FADS2: variants seen among roughly 807,000 people sequenced by gnomAD.
FADS2 encodes fatty acid desaturase 2, also known as acyl-CoA 6-desaturase.
A neutral mutation model predicts 61.2 loss-of-function variants in FADS2; 18 were observed. The observed-to-expected ratio is 0.29, with a 90% CI of 0.20 to 0.44. The LOEUF is 0.44. Ranked by LOEUF, FADS2 falls within the 20% of genes least tolerant of loss-of-function variation. The probability of loss-of-function intolerance (pLI) is 1.00; values close to 1 mark genes in which losing one functional copy is unlikely to be tolerated. For synonymous variants in FADS2, 203 were observed against 223.9 expected (o/e 0.91, Z 0.83); for missense variants, 322 against 572.7 (o/e 0.56, Z 4.47).
chr11:61,839,201 G>A (rs552345735), intron 2 of FADS2, among the ~76,000 whole-genome samples: 2 of 152,052 alleles, frequency 1.3e-5, no homozygotes, highest in South Asian at 2.1e-4. Flanking sequence ...GCCTCAGCTC[G>A]CCCTCCTGCG....
chr11:61,837,842 T>C lies in FADS2; in HGVS notation c.272T>C (p.Ile91Thr). ...FVGKFLKPLL[I>T]GELAPEEPSQ... ...GGCAAGTTCTTGAAACCCCTGCTGA[T>C]TGGTGAACTGGCCCCGGAGGAGCCC... The change falls in exon 2 of 12, where the codon ATT becomes ACT. Residue 91 changes from isoleucine (I) to threonine (T), a missense_variant. Ile to Thr is a moderately conservative substitution (Grantham distance 89). Around this residue, in one of 3 missense-constraint regions of FADS2, gnomAD observed 40 missense variants for 37.3 expected, o/e 1.07. Coordinates refer to ENST00000278840, the MANE Select transcript of FADS2 (RefSeq NM_004265.4). 6.2e-7 allele frequency: 1 copy of C among 1,613,952 alleles called. No individual in the cohort carries two copies.
In FADS2 at chr11:61,838,744, A is replaced by G. The variant is rs149526074; in HGVS notation, c.318+856A>G. On this transcript the variant is annotated intron_variant, in intron 2 of 11. Transcript: ENST00000278840. ...CTCCTCTCACCTTGCCCTCCATGGC[A>G]CATGAGATCACCTGCCCTGTACCCA... is the stretch of plus-strand genomic sequence containing the variant. Among the ~76,000 whole-genome samples, 888 of 151,886 alleles carry G rather than the reference A, an allele frequency of 5.8e-3. 3 individuals are homozygous for G. Among genetic ancestry groups the G allele is most frequent in the African/African-American group, 0.021 (854 of 41,380 alleles).
chr11:61,824,523 G>GAAAGA (rs2067067216), upstream of FADS2, among the ~76,000 whole-genome samples: 2 of 87,578 alleles, frequency 2.3e-5, no homozygotes, highest in Admixed American at 1.9e-4. Flanking sequence ...AAGAAAGAAA[G>GAAAGA]AAAGAAAAAT....
At position 61,837,865 on chromosome 11, in the gene FADS2, C is replaced by A; in HGVS notation, c.295C>A (p.Pro99Thr). ...GATTGGTGAACTGGCCCCGGAGGAG[C>A]CCAGCCAGGACCACGGCAAGAACGT... ...LLIGELAPEE[P>T]SQDHGKNSKI... Residue 99 changes from proline (P) to threonine (T), a missense_variant, in exon 2 of 12, where the codon CCC becomes ACC. This residue lies in a region of FADS2 where 40 missense variants were observed against 37.3 expected (regional missense o/e 1.07). Transcript: ENST00000278840. 2 of 1,613,474 alleles carry A rather than the reference C, an allele frequency of 1.2e-6. No individual in the cohort carries two copies. The highest frequency in any genetic ancestry group is 1.7e-6 in the Non-Finnish European group (2 of 1,179,626).
At chr11:61,837,606 G>C (rs1185008370) in intron 1 of FADS2, among the ~76,000 whole-genome samples, 172 bp from the exon 2 acceptor site, 1 of 152,218 alleles carries the variant, frequency 6.6e-6, no homozygotes, top group Non-Finnish European at 1.5e-5. Context: ...TGGGCACTGA[G>C]GGCTCTGTCC....
chr11:61,863,049 C>A lies in FADS2; in HGVS notation c.960C>A (p.Leu320=). 1.9e-6 allele frequency: 3 copies of A among 1,614,196 alleles called. No homozygotes were observed. The highest frequency in any genetic ancestry group is 1.6e-4 in the Middle Eastern group (1 of 6,062). ...YIPFYGILGA[L]LFLNFIRFLE... ...CTTTCTACGGCATCCTGGGAGCCCT[C>A]CTTTTCCTCAACTTCATCAGGTGCC... The change falls in exon 8 of 12, where the codon CTC becomes CTA. Residue 320 remains leucine (L), a synonymous_variant. Coordinates refer to ENST00000278840, the MANE Select transcript of FADS2 (RefSeq NM_004265.4).
At chr11:61,848,684 A>G (rs2135967893) in intron 5 of FADS2, 1 of 180,660 alleles carries the variant, frequency 5.5e-6, no homozygotes, top group Non-Finnish European at 1.2e-5. Context: ...TTCCCAGGGT[A>G]GAGGGAAATC....
At chr11:61,863,480 G>C in intron 9 of FADS2, 102 bp downstream of exon 9, 2 of 948,780 alleles carry the variant, frequency 2.1e-6, no homozygotes, top group Non-Finnish European at 3.3e-6. Context: ...GGGCCTCCCG[G>C]GGCTGCCTGT....
chr11:61,825,927 G>GTGTC (rs2067081337), upstream of FADS2: 1 of 611,942 alleles, frequency 1.6e-6, no homozygotes, highest in African/African-American at 1.8e-5. Flanking sequence ...GCACATGGCA[G>GTGTC]TGTCCAGTGT....
rs149777687 is a variant in FADS2, at chr11:61,848,203, C to T, written c.663C>T (p.His221=). Reference sequence around the variant, plus strand: ...GGAATCATCGCCACTTCCAGCACCACGCCAAGCCTAACATCTTCCACAAGG... The same window carrying T: ...GGAATCATCGCCACTTCCAGCACCATGCCAAGCCTAACATCTTCCACAAGG... ...NWWNHRHFQH[H]AKPNIFHKDP... is the part of the protein sequence containing the mutation. The change falls in exon 5 of 12, where the codon CAC becomes CAT. Residue 221 remains histidine, a synonymous_variant. Transcript: ENST00000278840. The T allele has an allele frequency of 4.6e-4, 737 of 1,614,196 alleles. No homozygotes were observed. The African/African-American group carries it at 8.6e-3, about 19-fold the overall frequency.
At chr11:61,824,804 G>A (rs1488925311), upstream of FADS2, among the ~76,000 whole-genome samples, 1 of 152,158 alleles carries the variant, frequency 6.6e-6, no homozygotes. Flanking sequence ...ATCCTTGGGA[G>A]CAGGGAATGG....
At chr11:61,854,901 C>CCTG (rs1343403705) in intron 5 of FADS2, 1 of 152,268 alleles carries the variant, frequency 6.6e-6, no homozygotes, top group East Asian at 1.9e-4. Flanking sequence ...CACTCTGAGG[C>CCTG]CTGCTGCTGC....
At chr11:61,857,341 GC>G in intron 6 of FADS2, 112 bp from the exon 7 acceptor site, 1 of 1,001,458 alleles carries the variant, frequency 1.0e-6, no homozygotes, top group Non-Finnish European at 1.6e-6. Context: ...GGCTGCTTCT[GC>G]CCACGTCTGC....
chr11:61,823,090 A>G (rs1043562564), intron 1 of FADS2, among the ~76,000 whole-genome samples: 14 of 152,230 alleles, frequency 9.2e-5, no homozygotes, highest in African/African-American at 2.7e-4. Flanking sequence ...TCACCAGAAC[A>G]GGAAAGGAAT....
rs189781536 is a variant in FADS2, at chr11:61,843,606, G to A, written c.618+2881G>A. ...AAGGGGACACCAGACAAATTCTAAG[G>A]GGACACCAGACAAATTCAGTTATCA... On this transcript the variant is annotated intron_variant, in intron 4 of 11. Transcript: ENST00000278840. Among the ~76,000 whole-genome samples, 825 of 152,206 alleles carry A rather than the reference G, an allele frequency of 5.4e-3. 4 individuals carry two copies. Among genetic ancestry groups the A allele is most frequent in the Middle Eastern group, 0.014 (4 of 294 alleles).
chr11:61,846,064 C>G (rs2135965701), intron 4 of FADS2, among the ~76,000 whole-genome samples: 2 of 151,998 alleles, frequency 1.3e-5, no homozygotes, highest in South Asian at 4.2e-4. Flanking sequence ...GAATTTTGTT[C>G]CTTTTGACAA....
chr11:61,863,746 G>C lies in FADS2; in HGVS notation c.1117G>C (p.Asp373His), dbSNP rs1215067486. 1 of 1,614,152 alleles carries C rather than the reference G, an allele frequency of 6.2e-7. No individual in the cohort carries two copies. The highest frequency in any genetic ancestry group is 8.5e-7 in the Non-Finnish European group (1 of 1,179,994). Residue 373 changes from aspartate to histidine, a missense_variant, in exon 10 of 12, where the codon GAC (aspartate) becomes CAC (histidine). By Grantham distance (81) the Asp-to-His change is moderately conservative (BLOSUM62 -1). Around this residue, in one of 3 missense-constraint regions of FADS2, gnomAD observed 221 missense variants for 427.9 expected, o/e 0.52. Transcript: ENST00000278840. ...TCNVEQSFFN[D>H]WFSGHLNFQI... ...CAACGTGGAGCAGTCCTTCTTCAAC[G>C]ACTGGTTCAGTGGACACCTTAACTT...
At chr11:61,861,235 A>G (rs541359449) in intron 7 of FADS2, among the ~76,000 whole-genome samples, 1 of 150,602 alleles carries the variant, frequency 6.6e-6, no homozygotes, top group African/African-American at 2.4e-5. Flanking sequence ...GCACCTGTAG[A>G]CCCAGCTACT....
rs1591181952 is a variant in FADS2 at position 61,862,606 on chromosome 11, TGG to T, written c.883-362_883-361del. On this transcript the variant is annotated intron_variant, in intron 7 of 11. Transcript: ENST00000278840. ...AGGTGCTGAGGAGGAGGGACAGGAC[TGG>T]GGGACGGTTGGGGACCTGGCCCCGG... 1.0e-5 allele frequency: 3 copies of T among 292,310 alleles called. No homozygotes were observed. In the East Asian group the frequency reaches 2.8e-4, roughly 28 times the overall value. The allele number at this position is 292,310 out of a possible 1,614,324, so 18.1% of individuals were successfully genotyped here. A position where few individuals can be genotyped will look rare whatever the true frequency, so the allele number is the denominator to read the frequency against.
Sources: allele counts gnomAD v4.1 joint callset (sites outside exome capture counted in the v4.1 genomes callset), GRCh38; gene constraint gnomAD v4.1.1; regional missense constraint gnomAD v4.1.1; transcripts MANE v1.5; gene names NCBI Gene and HGNC (gene_info 2026-07-23, HGNC 2026-07-21).